AGAP2: variants seen among roughly 807,000 people sequenced by gnomAD.
AGAP2 encodes arf-GAP with GTPase, ANK repeat and PH domain-containing protein 2.
In AGAP2, 32 loss-of-function variants were observed where a neutral mutation model predicts 110.9. The observed-to-expected ratio is 0.29, with a 90% confidence interval of 0.22 to 0.39. The LOEUF is 0.39. AGAP2 is among the 10% of genes least tolerant of loss of function. The pLI is 1.00. For synonymous variants in AGAP2, 702 were observed against 713.0 expected (o/e 0.98, Z 0.25); for missense variants, 1,285 against 1,638.5 (o/e 0.78, Z 3.72).
At chr12:57,731,221 G>T in intron 10 of AGAP2, 145 bp downstream of exon 10, 1 of 758,812 alleles carries the variant, frequency 1.3e-6, no homozygotes. Context: ...GGCACATGGT[G>T]GGCTCTTAAC....
intron 2 of AGAP2, among the ~76,000 whole-genome samples, chr12:57,735,143 C>T (rs1011332890): frequency 6.6e-6 from 1 of 151,894 alleles, no homozygotes; most frequent in African/African-American, 2.4e-5. Context: ...CATGAACAAA[C>T]AGGAAAAAGG....
downstream of AGAP2, chr12:57,724,967 G>A (rs116845380): frequency 8.9e-4 from 135 of 152,426 alleles, 1 homozygote; most frequent in East Asian, 0.02. Context: ...TTAAGAGTCA[G>A]TGCCTTCTCT....
chr12:57,734,229 C>T, intron 4 of AGAP2, 56 bp from the exon 5 acceptor site: 2 of 1,610,198 alleles, frequency 1.2e-6, no homozygotes, highest in South Asian at 1.1e-5. Flanking sequence ...CCTCTGGACC[C>T]AATCCAGATG....
rs145941148 is a variant in AGAP2 at position 57,729,708 on chromosome 12, C to A, written c.2488G>T (p.Val830Leu). Residue 830 changes from valine (V) to leucine (L), a missense_variant, in exon 13 of 19, where the codon GTG becomes TTG. Physicochemically the swap from Val to Leu is conservative, Grantham distance 32. Coordinates refer to ENST00000547588, the MANE Select transcript of AGAP2 (RefSeq NM_001122772.3). ...AATTTTTTCCTCCTCTGCTTCTTCACCATGGGAGAAGGAGGGGGTTCCCGA... is the reference window on the plus strand; with the variant it reads ...AATTTTTTCCTCCTCTGCTTCTTCAACATGGGAGAAGGAGGGGGTTCCCGA... Reference protein sequence around the residue: ...LSREPPPSPMVKKQRRKKLTT... With the variant: ...LSREPPPSPMLKKQRRKKLTT... 2 of 1,613,842 alleles carry A rather than the reference C, an allele frequency of 1.2e-6. No individual in the cohort carries two copies. The highest frequency in any genetic ancestry group is 2.7e-5 in the African/African-American group (2 of 74,980).
rs892582765 is a variant in AGAP2, at chr12:57,725,646, T to A, written c.*906A>T. 3.3e-5 allele frequency: 5 copies of A among 151,828 alleles called. No individual in the cohort carries two copies. Among genetic ancestry groups the A allele is most frequent in the African/African-American group, 1.2e-4 (5 of 41,238 alleles). The allele number at this position is 151,828 out of a possible 1,614,324, so 9.4% of individuals were successfully genotyped here. ...CCAGATCACCACGGGCGCTGCACAGTCACAGGTACGCAGTCACGGTCACAG... is the reference window on the plus strand; with the variant it reads ...CCAGATCACCACGGGCGCTGCACAGACACAGGTACGCAGTCACGGTCACAG... On this transcript the variant is annotated 3_prime_UTR_variant, in exon 19 of 19. Transcript: ENST00000547588.
intron 13 of AGAP2, among the ~76,000 whole-genome samples, chr12:57,729,425 CAG>C (rs1408738615): frequency 1.3e-5 from 2 of 150,862 alleles, no homozygotes; most frequent in Non-Finnish European, 2.9e-5. Flanking sequence ...TCGTTGAGAA[CAG>C]GGGCTGGGGA....
intron 1 of AGAP2, 95 bp from the exon 2 acceptor site, chr12:57,735,522 C>CT (rs1555199452): frequency 1.7e-6 from 2 of 1,157,984 alleles, no homozygotes; most frequent in East Asian, 4.9e-5. Context: ...CTTTCCAACC[C>CT]CCCCCCAACC....
chr12:57,730,574 A>G lies in AGAP2; in HGVS notation c.2349T>C (p.Ser783=). The part of the protein sequence containing the change: ...TPMPSPSPSP[S]SLQPPPDQTS... ...TCTGATCTGGTGGTGGCTGCAGGGA[A>G]CTGGGGCTGGGGCTAGGGCTTGGCA... is the stretch of plus-strand genomic sequence containing the variant. The change falls in exon 12 of 19, where the codon AGT becomes AGC. Residue 783 remains serine (S), a synonymous_variant. Coordinates refer to ENST00000547588, the MANE Select transcript of AGAP2 (RefSeq NM_001122772.3). The G allele has an allele frequency of 6.2e-7, 1 of 1,614,094 alleles. No individual in the cohort carries two copies. The highest frequency in any genetic ancestry group is 8.5e-7 in the Non-Finnish European group (1 of 1,180,002).
At chr12:57,741,979 C>T, upstream of AGAP2, 1 of 1,614,192 alleles carries the variant, frequency 6.2e-7, no homozygotes, top group Non-Finnish European at 8.5e-7. Context: ...TCTCTGCCAG[C>T]TTCCTGAGGC....
At position 57,726,927 on chromosome 12, in the gene AGAP2, C is replaced by T. The variant is rs530584213; in HGVS notation, c.3336+47G>A. ...GGGCTTTCCCGCGCCAGGCGTTTTC[C>T]GAGATGAAGCCTCAAAGACCCCCTT... On this transcript the variant is annotated intron_variant, in intron 18 of 18. Coordinates refer to ENST00000547588, the MANE Select transcript of AGAP2 (RefSeq NM_001122772.3). The surrounding 1 kb of genome is among the most constrained non-coding windows in gnomAD (Gnocchi z 5.7). 1.8e-5 allele frequency: 27 copies of T among 1,500,676 alleles called. No individual in the cohort carries two copies. In the South Asian group the frequency reaches 3.4e-4, roughly 19 times the overall value. The allele number at this position is 1,500,676 out of a possible 1,614,324, so 93.0% of individuals were successfully genotyped here. A position where few individuals can be genotyped will look rare whatever the true frequency, so the allele number is the denominator to read the frequency against.
At chr12:57,731,098 C>T (rs1487547211) in intron 10 of AGAP2, 145 bp from the exon 11 acceptor site, 15 of 945,592 alleles carry the variant, frequency 1.6e-5, no homozygotes, top group Non-Finnish European at 2.3e-5. Context: ...GGGATGGGCC[C>T]ATCAGACTTG....
intron 5 of AGAP2, 147 bp from the exon 6 acceptor site, chr12:57,733,126 T>A: frequency 9.4e-7 from 1 of 1,063,942 alleles, no homozygotes; most frequent in Non-Finnish European, 1.4e-6. Flanking sequence ...CCAGGTGGAA[T>A]GGGAGTACAT....
At position 57,731,621 on chromosome 12, in the gene AGAP2, C is replaced by G. The variant is rs772641164; in HGVS notation, c.1975G>C (p.Glu659Gln). Residue 659 changes from glutamate (E) to glutamine (Q), a missense_variant, in exon 9 of 19, where the codon GAG (glutamate) becomes CAG (glutamine). Coordinates refer to ENST00000547588, the MANE Select transcript of AGAP2 (RefSeq NM_001122772.3). ...CCCCGACTATCCAAGCTTCGTTTCT[C>G]GGAGTCACTACCCCGACGATTCTGG... ...LFANRRGSDSEKRSLDSRGET... is the reference protein window; with the variant it reads ...LFANRRGSDSQKRSLDSRGET... 25 of 1,614,014 alleles carry G rather than the reference C, an allele frequency of 1.5e-5. No homozygotes were observed. The highest frequency in any genetic ancestry group is 2.1e-5 in the Non-Finnish European group (25 of 1,180,044).
Position 57,726,682 on chromosome 12 carries a change from C to G in AGAP2, c.3449G>C (p.Gly1150Ala). The change falls in exon 19 of 19, where the codon GGT becomes GCT. Residue 1150 changes from glycine to alanine, a missense_variant. Transcript: ENST00000547588. The surrounding 1 kb of genome is among the most constrained non-coding windows in gnomAD (Gnocchi z 5.7). Reference protein sequence around the residue: ...ADILLQHGCPGEGGSAATTPS... With the variant: ...ADILLQHGCPAEGGSAATTPS... Reference sequence around the variant, plus strand: ...CGTGGTGGCCGCGCTGCCGCCCTCACCCGGGCAGCCGTGCTGGAGAAGGAT... The same window carrying G: ...CGTGGTGGCCGCGCTGCCGCCCTCAGCCGGGCAGCCGTGCTGGAGAAGGAT... The G allele has an allele frequency of 8.2e-7, 1 of 1,226,640 alleles. No homozygotes were observed. The highest frequency in any genetic ancestry group is 1.0e-6 in the Non-Finnish European group (1 of 983,326). 76.0% of individuals were successfully genotyped at this position (1,226,640 alleles called of 1,614,324 possible).
In AGAP2 at chr12:57,738,286, C is replaced by A; in HGVS notation, c.-40G>T. On this transcript the variant is annotated 5_prime_UTR_variant, in exon 1 of 19. Transcript: ENST00000547588. This position sits in a 1 kb window ranked among gnomAD's most constrained non-coding sequence, Gnocchi z 6.7. ...CCCGAGCTGGGGAGGGGAGGGGACTCCCCCGGACTGCCTCAGGGGGGCCCG... is the reference window on the plus strand; with the variant it reads ...CCCGAGCTGGGGAGGGGAGGGGACTACCCCGGACTGCCTCAGGGGGGCCCG... 1 of 1,454,552 alleles carries A rather than the reference C, an allele frequency of 6.9e-7. No homozygotes were observed. Among genetic ancestry groups the A allele is most frequent in the Non-Finnish European group, 9.0e-7 (1 of 1,107,824 alleles). The allele number at this position is 1,454,552 out of a possible 1,614,324, so 90.1% of individuals were successfully genotyped here.
chr12:57,732,707 G>A lies in AGAP2; in HGVS notation c.1684+138C>T, dbSNP rs1954909688. The A allele has an allele frequency of 3.4e-6, 5 of 1,467,808 alleles. No individual in the cohort carries two copies. The African/African-American group carries it at 5.6e-5, about 16-fold the overall frequency. The allele number at this position is 1,467,808 out of a possible 1,614,324, so 90.9% of individuals were successfully genotyped here. ...GCGACTATTAAGCAAACCTTCTCTGGCCTCCCTGATCTCTCCTCCCTCCCA... is the reference window on the plus strand; with the variant it reads ...GCGACTATTAAGCAAACCTTCTCTGACCTCCCTGATCTCTCCTCCCTCCCA... On this transcript the variant is annotated intron_variant, in intron 6 of 18. Coordinates refer to ENST00000547588, the MANE Select transcript of AGAP2 (RefSeq NM_001122772.3).
upstream of AGAP2, chr12:57,742,065 C>T: frequency 6.2e-7 from 1 of 1,614,000 alleles, no homozygotes; most frequent in Non-Finnish European, 8.5e-7. Flanking sequence ...TGCCTCTGGG[C>T]ATGCATGTTG....
chr12:57,735,703 C>T (rs1239071506), intron 1 of AGAP2, among the ~76,000 whole-genome samples: 1 of 152,230 alleles, frequency 6.6e-6, no homozygotes, highest in East Asian at 1.9e-4. Context: ...CATCCCCAAA[C>T]GCGGGTCCTG....
Position 57,734,059 on chromosome 12 carries a change from C to T in AGAP2, c.1516G>A (p.Gly506Arg), listed in dbSNP as rs1954933666. The T allele has an allele frequency of 2.5e-6, 4 of 1,610,192 alleles. No homozygotes were observed. In the East Asian group the frequency reaches 8.9e-5, roughly 36 times the overall value. ...QLSSLRGEGR[G>R]GLALALVGTQ... Reference sequence around the variant, plus strand: ...CCCACCAGTGCCAAGGCCAGGCCTCCTCGTCCCTCCCCGCGAAGGGAACTC... The same window carrying T: ...CCCACCAGTGCCAAGGCCAGGCCTCTTCGTCCCTCCCCGCGAAGGGAACTC... The change falls in exon 5 of 19, where the codon GGA (glycine) becomes AGA (arginine). Residue 506 changes from glycine to arginine, a missense_variant. By Grantham distance (125) the Gly-to-Arg change is moderately radical (BLOSUM62 -2). Transcript: ENST00000547588.
Sources: allele counts gnomAD v4.1 joint callset (sites outside exome capture counted in the v4.1 genomes callset), GRCh38; gene constraint gnomAD v4.1.1; non-coding constraint Gnocchi (gnomAD v3.1); transcripts MANE v1.5; gene names NCBI Gene and HGNC (gene_info 2026-07-23, HGNC 2026-07-21).